Variants in DIP2C observed in about 807,000 individuals in gnomAD.
DIP2C encodes DIP2 acetate--CoA ligase C (putative).
In DIP2C, 33 loss-of-function variants were observed where a neutral mutation model predicts 192.4. That is an observed-to-expected ratio of 0.17 (90% CI 0.13 to 0.23). DIP2C has a LOEUF of 0.23. DIP2C is among the 10% of genes least tolerant of loss of function. The pLI is 1.00. For synonymous variants in DIP2C, 979 were observed against 864.1 expected (o/e 1.13, Z -2.33); for missense variants, 1,537 against 2,110.1 (o/e 0.73, Z 5.32).
At chr10:304,077 G>C (rs1956192368) in intron 32 of DIP2C, among the ~76,000 whole-genome samples, 1 of 152,170 alleles carries the variant, frequency 6.6e-6, no homozygotes, top group Non-Finnish European at 1.5e-5. Flanking sequence ...GTTAAGTATA[G>C]AGAATATGCT....
At chr10:415,678 A>T in intron 7 of DIP2C, 91 bp downstream of exon 7, 2 of 1,539,876 alleles carry the variant, frequency 1.3e-6, no homozygotes, top group Non-Finnish European at 1.8e-6. Flanking sequence ...TACTGCTCTT[A>T]AAAAGTAAAA....
intron 31 of DIP2C, among the ~76,000 whole-genome samples, chr10:310,602 C>T (rs986742231): frequency 1.3e-5 from 2 of 152,180 alleles, no homozygotes; most frequent in African/African-American, 4.8e-5. Flanking sequence ...GCTCTCTGGC[C>T]TGAGGAGGGC....
At chr10:283,489 T>A in intron 34 of DIP2C, 43 bp from the exon 35 acceptor site, 1 of 1,605,168 alleles carries the variant, frequency 6.2e-7, no homozygotes, top group Non-Finnish European at 8.5e-7. Context: ...CATTATTTTA[T>A]CTCCAGGGAA....
intron 31 of DIP2C, among the ~76,000 whole-genome samples, chr10:311,048 A>G (rs1956544786): frequency 6.6e-6 from 1 of 152,048 alleles, no homozygotes; most frequent in Admixed American, 6.5e-5. Flanking sequence ...CAATGTCATG[A>G]AAACATACCA....
chr10:603,324 AAAAAAAAAAC>A (rs1852226035), intron 1 of DIP2C, among the ~76,000 whole-genome samples: 5 of 139,410 alleles, frequency 3.6e-5, no homozygotes, highest in African/African-American at 1.5e-4. Context: ...AAAAAAAAAA[AAAAAAAAAAC>A]CAACCATGAG....
intron 17 of DIP2C, among the ~76,000 whole-genome samples, chr10:375,622 T>C (rs1365142164): frequency 1.3e-5 from 2 of 152,184 alleles, no homozygotes; most frequent in Non-Finnish European, 2.9e-5. Flanking sequence ...TCCATAAGCC[T>C]TGCCCGCATA....
chr10:526,739 G>C (rs988347949), intron 1 of DIP2C, among the ~76,000 whole-genome samples: 1 of 152,180 alleles, frequency 6.6e-6, no homozygotes. Context: ...GAAGGCATTT[G>C]TGTCATGTCT....
intron 32 of DIP2C, among the ~76,000 whole-genome samples, chr10:306,458 A>G (rs973917143): frequency 6.6e-6 from 1 of 152,186 alleles, no homozygotes; most frequent in African/African-American, 2.4e-5. Context: ...GCATACCAAT[A>G]AGCTAACCTT....
At chr10:343,008 G>A (rs1030834216) in intron 28 of DIP2C, among the ~76,000 whole-genome samples, 2 of 152,202 alleles carry the variant, frequency 1.3e-5, no homozygotes, top group East Asian at 1.9e-4. Context: ...AACACGTCAC[G>A]GCTGGGCAAG....
intron 1 of DIP2C, chr10:649,986 G>A (rs934034027): frequency 3.2e-6 from 2 of 630,550 alleles, no homozygotes; most frequent in Non-Finnish European, 5.7e-6. Flanking sequence ...AGCAGTGTTT[G>A]CCGTCCAAAG....
intron 29 of DIP2C, among the ~76,000 whole-genome samples, chr10:331,345 A>C (rs1957500669): frequency 6.6e-6 from 1 of 152,210 alleles, no homozygotes; most frequent in Non-Finnish European, 1.5e-5. Flanking sequence ...GGCAAATGTG[A>C]CAAAGGCGTT....
intron 1 of DIP2C, among the ~76,000 whole-genome samples, chr10:598,227 C>T (rs1431809491): frequency 2.0e-5 from 3 of 152,216 alleles, no homozygotes; most frequent in Non-Finnish European, 4.4e-5. Context: ...CCACGAGGGC[C>T]TCCCTCCCCA....
intron 1 of DIP2C, among the ~76,000 whole-genome samples, chr10:640,765 G>C (rs1855147945): frequency 6.6e-6 from 1 of 150,550 alleles, no homozygotes; most frequent in Non-Finnish European, 1.5e-5. Flanking sequence ...GCGCCGGGAA[G>C]AGGGTGGGCG....
intron 1 of DIP2C, among the ~76,000 whole-genome samples, chr10:558,030 A>T (rs1247918659): frequency 6.6e-6 from 1 of 152,114 alleles, no homozygotes; most frequent in African/African-American, 2.4e-5. Context: ...ACAGAATTAT[A>T]ATAAAATGCT....
At chr10:512,116 T>C (rs563522927) in intron 1 of DIP2C, among the ~76,000 whole-genome samples, 3 of 152,336 alleles carry the variant, frequency 2.0e-5, no homozygotes, top group Middle Eastern at 3.4e-3. Flanking sequence ...AATGTCAACC[T>C]TCCTAAGCAA....
At chr10:398,959 G>A in intron 10 of DIP2C, 150 bp downstream of exon 10, 1 of 639,286 alleles carries the variant, frequency 1.6e-6, no homozygotes, top group Non-Finnish European at 2.7e-6. Flanking sequence ...CCAGGCTGCA[G>A]GGCCCACTAG....
At chr10:480,101 G>A (rs1398163985) in intron 2 of DIP2C, among the ~76,000 whole-genome samples, 3 of 149,474 alleles carry the variant, frequency 2.0e-5, no homozygotes, top group African/African-American at 5.0e-5. Context: ...TCCGGTCCAC[G>A]CTCACTGGAT....
At chr10:345,164 G>A in intron 26 of DIP2C, 54 bp from the exon 27 acceptor site, 1 of 1,515,206 alleles carries the variant, frequency 6.6e-7, no homozygotes, top group Non-Finnish European at 9.0e-7. Flanking sequence ...ATGAAAGCGT[G>A]CTCACTTCAC....
chr10:653,303 C>G (rs1856068606), intron 1 of DIP2C, among the ~76,000 whole-genome samples: 1 of 152,056 alleles, frequency 6.6e-6, no homozygotes, highest in Non-Finnish European at 1.5e-5. Context: ...ACAAAATTAG[C>G]TGGGCATGGT....
Sources: gnomAD v4.1 joint callset for allele counts (sites outside exome capture counted in the v4.1 genomes callset) on GRCh38, gnomAD v4.1.1 for gene constraint, MANE v1.5 for transcripts, NCBI Gene and HGNC (gene_info 2026-07-23, HGNC 2026-07-21) for gene names.